Variants in FBXO7 observed in about 807,000 individuals in gnomAD.
FBXO7 encodes F-box protein 7.
FBXO7 carries 31 observed loss-of-function variants against 50.2 expected under a neutral mutation model. The observed-to-expected ratio is 0.62, with a 90% CI of 0.46 to 0.83. FBXO7 has a LOEUF of 0.83. Ranked by LOEUF, FBXO7 falls within the 40% of genes least tolerant of loss-of-function variation. The pLI is 0.00. For missense variants in FBXO7, 667 were observed against 646.6 expected (o/e 1.03, Z -0.34); for synonymous variants, 256 against 253.1 (o/e 1.01, Z -0.11).
chr22:32,479,271 G>T lies in FBXO7; in HGVS notation c.413G>T (p.Ser138Ile), dbSNP rs764447867. ...CAGTCTGGTGTTTGGAATGACGACAGTATGGTGGGTATTAAACACCAATAT... is the reference window on the plus strand; with the variant it reads ...CAGTCTGGTGTTTGGAATGACGACATTATGGTGGGTATTAAACACCAATAT... ...AAQSGVWNDD[S>I]MLGPSQNFEA... The change falls in exon 2 of 9, where the codon AGT (serine) becomes ATT (isoleucine). Residue 138 changes from serine (S) to isoleucine (I), a missense_variant. Ser to Ile is a moderately radical substitution (Grantham distance 142). Coordinates refer to ENST00000266087, the MANE Select transcript of FBXO7 (RefSeq NM_012179.4). 8.7e-6 allele frequency: 14 copies of T among 1,614,058 alleles called. No homozygotes were observed. In the Admixed American group the frequency reaches 2.0e-4, roughly 23 times the overall value.
intron 1 of FBXO7, among the ~76,000 whole-genome samples, chr22:32,477,848 T>C (rs1292872936): frequency 6.6e-6 from 1 of 152,234 alleles, no homozygotes; most frequent in Non-Finnish European, 1.5e-5. Flanking sequence ...GTTGAAGATA[T>C]GGTTTGAACT....
intron 7 of FBXO7, 53 bp downstream of exon 7, chr22:32,493,334 C>T: frequency 6.7e-7 from 1 of 1,494,916 alleles, no homozygotes; most frequent in South Asian, 1.1e-5. Context: ...GTCTTGATTA[C>T]TCAGCTCACC....
At chr22:32,479,968 A>C (rs904102131) in intron 2 of FBXO7, among the ~76,000 whole-genome samples, 4 of 152,160 alleles carry the variant, frequency 2.6e-5, no homozygotes, top group Admixed American at 1.3e-4. Flanking sequence ...GTCATTGCAG[A>C]CTTTAGATGT....
chr22:32,489,415 G>A (rs1474062563), intron 5 of FBXO7: 1 of 152,164 alleles, frequency 6.6e-6, no homozygotes, highest in Non-Finnish European at 1.5e-5. Context: ...CCTTGGCTAC[G>A]ACACTCCATA....
At chr22:32,497,012 G>C (rs2057579418) in intron 8 of FBXO7, among the ~76,000 whole-genome samples, 1 of 152,214 alleles carries the variant, frequency 6.6e-6, no homozygotes, top group Non-Finnish European at 1.5e-5. Context: ...CTTCAGTGGA[G>C]GAAGTGCAGA....
chr22:32,496,947 A>G (rs1303188592), intron 8 of FBXO7, among the ~76,000 whole-genome samples: 5 of 152,224 alleles, frequency 3.3e-5, no homozygotes, highest in African/African-American at 1.2e-4. Flanking sequence ...AAAAATATCA[A>G]CAGGAGTTTG....
intron 2 of FBXO7, among the ~76,000 whole-genome samples, chr22:32,481,220 A>T (rs954890060): frequency 5.3e-5 from 8 of 151,910 alleles, no homozygotes; most frequent in African/African-American, 1.9e-4. Flanking sequence ...ATTTTAATTT[A>T]TTTTTAAAGT....
chr22:32,475,378 G>C (rs9621461), intron 1 of FBXO7: 2 of 1,611,150 alleles, frequency 1.2e-6, no homozygotes, highest in South Asian at 2.2e-5. Flanking sequence ...CGGCCTCCCG[G>C]GGGCTCTGGT....
In FBXO7 at chr22:32,474,957, C is replaced by A. The variant is rs750163784; in HGVS notation, c.-46C>A. 1.7e-5 allele frequency: 26 copies of A among 1,509,456 alleles called. No individual in the cohort carries two copies. The South Asian group carries it at 2.5e-4, about 14-fold the overall frequency. 93.5% of individuals were successfully genotyped at this position (1,509,456 alleles called of 1,614,324 possible). A position where few individuals can be genotyped will look rare whatever the true frequency, so the allele number is the denominator to read the frequency against. ...AGCTGCTCGGCCCCGCCGCCGTCCC[C>A]GTCGCCGCTTCCGGGTCCAGGCCCC... On this transcript the variant is annotated 5_prime_UTR_variant, in exon 1 of 9. Coordinates refer to ENST00000266087, the MANE Select transcript of FBXO7 (RefSeq NM_012179.4).
chr22:32,477,607 A>C (rs2057437179), intron 1 of FBXO7, among the ~76,000 whole-genome samples: 1 of 152,206 alleles, frequency 6.6e-6, no homozygotes. Context: ...AGAAGGGTGA[A>C]TTTAGCTTGT....
At chr22:32,488,539 ATCT>A (rs1490223014) in intron 5 of FBXO7, 5 of 152,216 alleles carry the variant, frequency 3.3e-5, no homozygotes, top group African/African-American at 1.2e-4. Context: ...ATTCCATTTA[ATCT>A]TCTTAGTAAA....
chr22:32,490,420 T>G (rs866271024), intron 5 of FBXO7: 1 of 152,280 alleles, frequency 6.6e-6, no homozygotes. Context: ...GGTAGGTCTG[T>G]GGGGGCCTGA....
chr22:32,477,622 A>G (rs1465760824), intron 1 of FBXO7, among the ~76,000 whole-genome samples: 1 of 152,210 alleles, frequency 6.6e-6, no homozygotes, highest in Non-Finnish European at 1.5e-5. Context: ...GCTTGTCATC[A>G]TCAGTAAGAG....
intron 8 of FBXO7, among the ~76,000 whole-genome samples, chr22:32,496,300 G>C (rs916537907): frequency 6.6e-6 from 1 of 152,118 alleles, no homozygotes; most frequent in African/African-American, 2.4e-5. Context: ...GGCTAACACG[G>C]TGAAACCCTG....
chr22:32,491,345 C>T (rs1439635760), intron 6 of FBXO7, 164 bp downstream of exon 6: 3 of 589,492 alleles, frequency 5.1e-6, no homozygotes, highest in Non-Finnish European at 6.0e-6. Context: ...TTTACTTTAT[C>T]TTTGTATCTC....
chr22:32,487,441 G>C, intron 4 of FBXO7: 1 of 235,078 alleles, frequency 4.3e-6, no homozygotes. Flanking sequence ...ATTGTGTTTA[G>C]TTGCCTCTGA....
chr22:32,479,630 C>T (rs1281393932), intron 2 of FBXO7, among the ~76,000 whole-genome samples: 1 of 152,000 alleles, frequency 6.6e-6, no homozygotes, highest in African/African-American at 2.4e-5. Context: ...CTCTTGACCT[C>T]GTGATCTGCC....
intron 2 of FBXO7, among the ~76,000 whole-genome samples, chr22:32,482,418 C>T (rs930809319): frequency 9.2e-5 from 14 of 152,176 alleles, no homozygotes; most frequent in Admixed American, 9.2e-4. Context: ...TTTAAACAAA[C>T]CCTAAAAAGA....
chr22:32,478,873 A>G, intron 1 of FBXO7, 108 bp from the exon 2 acceptor site: 1 of 1,085,206 alleles, frequency 9.2e-7, no homozygotes, highest in South Asian at 1.3e-5. Context: ...TCTCTTCATC[A>G]CTTAGTTCTT....
Sources: gnomAD v4.1 joint callset for allele counts (sites outside exome capture counted in the v4.1 genomes callset) on GRCh38, gnomAD v4.1.1 for gene constraint, MANE v1.5 for transcripts, NCBI Gene and HGNC (gene_info 2026-07-23, HGNC 2026-07-21) for gene names.